The following CELF6 variants were observed in gnomAD, a reference collection of about 807,000 sequenced individuals.
CELF6 encodes the protein CUGBP Elav-like family member 6, also known as Bruno -like 6, RNA binding protein.
Under a neutral mutation model 53.1 loss-of-function variants are expected in CELF6, and 32 were observed. That is an observed-to-expected ratio of 0.60 (90% CI 0.46 to 0.81). CELF6 has a LOEUF of 0.81. CELF6 is among the 30% of genes least tolerant of loss of function. The pLI, the probability that CELF6 is intolerant of heterozygous loss-of-function variation, is 0.00. For synonymous variants in CELF6, 291 were observed against 288.8 expected, an observed-to-expected ratio of 1.01 and a Z score of -0.08; for missense variants, 539 against 669.5, an observed-to-expected ratio of 0.81 and a Z score of 2.15.
chr15:72,311,126 TTTTC>T (rs200469576), intron 2 of CELF6, among the ~76,000 whole-genome samples: 3,754 of 152,166 alleles, frequency 0.025, 57 homozygotes, highest in Non-Finnish European at 0.036. Context: ...CTTTTTATTC[TTTTC>T]TTTATTCCTT....
rs2087970672 is a variant in CELF6 at position 72,289,353 on chromosome 15, C to T, written c.880+22G>A. The T allele has an allele frequency of 1.3e-6, 2 of 1,543,974 alleles. No individual in the cohort carries two copies. The highest frequency in any genetic ancestry group is 2.4e-5 in the East Asian group (1 of 41,928). Reference sequence around the variant, plus strand: ...CCCCGCCCGGCCCCTCCCAGGCGCGCCCCAGTCCCTGGGGGCCGTACCTGC... The same window carrying T: ...CCCCGCCCGGCCCCTCCCAGGCGCGTCCCAGTCCCTGGGGGCCGTACCTGC... On this transcript the variant is annotated intron_variant, in intron 7 of 12. Coordinates refer to ENST00000287202, the MANE Select transcript of CELF6 (RefSeq NM_052840.5). This position sits in a 1 kb window ranked among gnomAD's most constrained non-coding sequence, Gnocchi z 7.6.
In CELF6 at chr15:72,319,992, G is replaced by A; in HGVS notation, c.-118C>T. 1 of 1,231,882 alleles carries A rather than the reference G, an allele frequency of 8.1e-7. No individual in the cohort carries two copies. Among genetic ancestry groups the A allele is most frequent in the Non-Finnish European group, 1.1e-6 (1 of 929,324 alleles). The allele number at this position is 1,231,882 out of a possible 1,614,324, so 76.3% of individuals were successfully genotyped here. A position where few individuals can be genotyped will look rare whatever the true frequency, so the allele number is the denominator to read the frequency against. On this transcript the variant is annotated 5_prime_UTR_variant, in exon 1 of 13. Coordinates refer to ENST00000287202, the MANE Select transcript of CELF6 (RefSeq NM_052840.5). This position sits in a 1 kb window ranked among gnomAD's most constrained non-coding sequence, Gnocchi z 5.0. ...GGCGGAGCCCGGGCGGAGAGGGCGG[G>A]GGGCTGCCCAGGGGGCGGGGTCCGG...
At chr15:72,315,553 G>A (rs928646605) in intron 2 of CELF6, among the ~76,000 whole-genome samples, 1 of 152,144 alleles carries the variant, frequency 6.6e-6, no homozygotes. Flanking sequence ...GACACCCAAA[G>A]CCATAATTTT....
intron 3 of CELF6, among the ~76,000 whole-genome samples, chr15:72,300,020 C>A (rs772347186): frequency 6.6e-5 from 10 of 152,104 alleles, no homozygotes; most frequent in Non-Finnish European, 1.5e-4. Context: ...AATTGTATTG[C>A]AGGCATCGAA....
At chr15:72,299,623 A>C (rs1281425768) in intron 3 of CELF6, among the ~76,000 whole-genome samples, 1 of 152,078 alleles carries the variant, frequency 6.6e-6, no homozygotes, top group Non-Finnish European at 1.5e-5. Flanking sequence ...GGCCTCCCAA[A>C]ATGCTAGGAT....
chr15:72,288,181 G>T lies in CELF6; in HGVS notation c.1318+127C>A. 9.4e-7 allele frequency: 1 copy of T among 1,066,220 alleles called. No individual in the cohort carries two copies. Among genetic ancestry groups the T allele is most frequent in the Non-Finnish European group, 1.4e-6 (1 of 701,792 alleles). The allele number at this position is 1,066,220 out of a possible 1,614,324, so 66.0% of individuals were successfully genotyped here. On this transcript the variant is annotated intron_variant, in intron 11 of 12. Coordinates refer to ENST00000287202, the MANE Select transcript of CELF6 (RefSeq NM_052840.5). This position sits in a 1 kb window ranked among gnomAD's most constrained non-coding sequence, Gnocchi z 4.6. ...AAACTTAGGCCCATCACTGGTTTGT[G>T]ACCCTGTTTTGTGCCATACATTCAA...
rs1296177007 is a variant in CELF6 at position 72,319,922 on chromosome 15, C to T, written c.-48G>A. 1.4e-6 allele frequency: 2 copies of T among 1,413,204 alleles called. No homozygotes were observed. Among genetic ancestry groups the T allele is most frequent in the Non-Finnish European group, 1.8e-6 (2 of 1,091,416 alleles). The allele number at this position is 1,413,204 out of a possible 1,614,324, so 87.5% of individuals were successfully genotyped here. On this transcript the variant is annotated 5_prime_UTR_variant, in exon 1 of 13. Coordinates refer to ENST00000287202, the MANE Select transcript of CELF6 (RefSeq NM_052840.5). The surrounding 1 kb of genome is among the most constrained non-coding windows in gnomAD (Gnocchi z 5.0). ...CGCCGGTCCCACTGGTCCCGCCTGT[C>T]CCGCCGTCCCCTCCCTGGACCGGTG...
rs773039652 is a variant in CELF6 at position 72,290,132 on chromosome 15, C to G, written c.518G>C (p.Ser173Thr). 1.2e-6 allele frequency: 2 copies of G among 1,613,926 alleles called. No homozygotes were observed. The highest frequency in any genetic ancestry group is 1.3e-5 in the African/African-American group (1 of 75,048). ...CTVLRSPDGT[S>T]KGCAFVKFGS... ...CCGGGGTCAGCTCAGGTCACCTTTA[C>G]TGGTGCCGTCAGGACTCCGCAGGAC... Residue 173 changes from serine to threonine, a missense_variant, in exon 4 of 13, where the codon AGT becomes ACT. Ser to Thr is a moderately conservative substitution (Grantham distance 58). This residue lies in a region of CELF6 where 97 missense variants were observed against 168.8 expected (regional missense o/e 0.57). Transcript: ENST00000287202.
chr15:72,289,047 G>A lies in CELF6; in HGVS notation c.1030+91C>T, dbSNP rs1412656903. The A allele has an allele frequency of 1.5e-5, 19 of 1,247,130 alleles. No individual in the cohort carries two copies. The East Asian group carries it at 4.3e-4, about 28-fold the overall frequency. The allele number at this position is 1,247,130 out of a possible 1,614,324, so 77.3% of individuals were successfully genotyped here. A position where few individuals can be genotyped will look rare whatever the true frequency, so the allele number is the denominator to read the frequency against. ...CTGTGAGAGACAGCAGGGAAGGAGGGGGATCTCTTCCCAGGGAAGCCAGGC... is the reference window on the plus strand; with the variant it reads ...CTGTGAGAGACAGCAGGGAAGGAGGAGGATCTCTTCCCAGGGAAGCCAGGC... On this transcript the variant is annotated intron_variant, in intron 8 of 12. Transcript: ENST00000287202. The surrounding 1 kb of genome is among the most constrained non-coding windows in gnomAD (Gnocchi z 7.6).
Position 72,288,608 on chromosome 15 carries a change from C to A in CELF6, c.1104G>T (p.Pro368=), listed in dbSNP as rs775535163. The A allele has an allele frequency of 1.5e-5, 24 of 1,561,834 alleles. No individual in the cohort carries two copies. The highest frequency in any genetic ancestry group is 3.7e-5 in the Admixed American group (2 of 54,328). The change falls in exon 10 of 13, where the codon CCG becomes CCT. Residue 368 remains proline (P), a synonymous_variant. Transcript: ENST00000287202. The surrounding 1 kb of genome is among the most constrained non-coding windows in gnomAD (Gnocchi z 4.6). ...CTGTGCTCACTGGGGCATAGGCCGA[C>A]GGATAGGCTGCTGGAGACAGAGGTG... ...AGMHHYAAAY[P]SAYAPVSTAF...
intron 2 of CELF6, chr15:72,313,779 A>G: frequency 3.1e-6 from 3 of 975,288 alleles, no homozygotes; most frequent in African/African-American, 3.5e-5. Context: ...GATTAGATGA[A>G]TGATGAGTTC....
At chr15:72,312,360 C>T (rs904221034) in intron 2 of CELF6, among the ~76,000 whole-genome samples, 1 of 152,210 alleles carries the variant, frequency 6.6e-6, no homozygotes, top group Non-Finnish European at 1.5e-5. Context: ...GGAGTGGTGG[C>T]TCACGCCTGT....
At chr15:72,293,034 T>G (rs923205901) in intron 3 of CELF6, among the ~76,000 whole-genome samples, 1 of 151,978 alleles carries the variant, frequency 6.6e-6, no homozygotes, top group Non-Finnish European at 1.5e-5. Context: ...CTAAAAAAAT[T>G]TTTTTTTCCA....
chr15:72,299,270 A>G (rs961951719), intron 3 of CELF6, among the ~76,000 whole-genome samples: 1 of 152,054 alleles, frequency 6.6e-6, no homozygotes, highest in Non-Finnish European at 1.5e-5. Flanking sequence ...AACAACAAAA[A>G]TACATGAACC....
In CELF6 at chr15:72,289,398, G is replaced by A; in HGVS notation, c.857C>T (p.Ala286Val). 6.4e-7 allele frequency: 1 copy of A among 1,555,480 alleles called. No individual in the cohort carries two copies. The highest frequency in any genetic ancestry group is 1.2e-5 in the South Asian group (1 of 85,594). Residue 286 changes from alanine (A) to valine (V), a missense_variant, in exon 7 of 13, where the codon GCT (alanine) becomes GTT (valine). Coordinates refer to ENST00000287202, the MANE Select transcript of CELF6 (RefSeq NM_052840.5). The surrounding 1 kb of genome is among the most constrained non-coding windows in gnomAD (Gnocchi z 7.6). ...ACCTGCCGCGGGCAACAGAGGCGCA[G>A]CTACCAGGCTAAAGGCCGCCACGTG... ...MQHVAAFSLVAAPLLPAAAAN... is the reference protein window; with the variant it reads ...MQHVAAFSLVVAPLLPAAAAN...
chr15:72,306,095 T>A, intron 2 of CELF6: 1 of 984,814 alleles, frequency 1.0e-6, no homozygotes, highest in South Asian at 4.7e-5. Flanking sequence ...CACATCCCCA[T>A]CCCCCAACCA....
At position 72,289,358 on chromosome 15, in the gene CELF6, G is replaced by C; in HGVS notation, c.880+17C>G. 1 of 1,545,300 alleles carries C rather than the reference G, an allele frequency of 6.5e-7. No individual in the cohort carries two copies. The highest frequency in any genetic ancestry group is 1.2e-5 in the South Asian group (1 of 84,952). On this transcript the variant is annotated intron_variant, in intron 7 of 12. Transcript: ENST00000287202. This position sits in a 1 kb window ranked among gnomAD's most constrained non-coding sequence, Gnocchi z 7.6. ...CCCGGCCCCTCCCAGGCGCGCCCCA[G>C]TCCCTGGGGGCCGTACCTGCCGCGG...
chr15:72,310,372 A>T (rs115923135), intron 2 of CELF6, among the ~76,000 whole-genome samples: 2,074 of 152,070 alleles, frequency 0.014, 41 homozygotes, highest in African/African-American at 0.047. Context: ...ATCTATATGG[A>T]TATCCTAAAC....
intron 2 of CELF6, among the ~76,000 whole-genome samples, chr15:72,314,931 C>A (rs78603298): frequency 6.6e-6 from 1 of 152,098 alleles, no homozygotes; most frequent in Non-Finnish European, 1.5e-5. Context: ...GCTTATGATG[C>A]CTCCCTATTA....
Sources: allele counts gnomAD v4.1 joint callset (sites outside exome capture counted in the v4.1 genomes callset), GRCh38; gene constraint gnomAD v4.1.1; regional missense constraint gnomAD v4.1.1; non-coding constraint Gnocchi (gnomAD v3.1); transcripts MANE v1.5; gene names NCBI Gene and HGNC (gene_info 2026-07-23, HGNC 2026-07-21).